The following ADGRL3 variants were observed in gnomAD, a reference collection of about 807,000 sequenced individuals.
The protein encoded by ADGRL3 is calcium-independent alpha-latrotoxin receptor 3.
In ADGRL3, 62 loss-of-function variants were observed where a neutral mutation model predicts 153.5. The observed-to-expected ratio is 0.40, with a 90% CI of 0.33 to 0.50. ADGRL3 has a LOEUF of 0.50. Ranked by LOEUF, ADGRL3 falls within the 20% of genes least tolerant of loss-of-function variation. The pLI is 0.47. For missense variants in ADGRL3, 1,641 were observed against 1,859.4 expected, an observed-to-expected ratio of 0.88 and a Z score of 2.16; for synonymous variants, 710 against 672.5, an observed-to-expected ratio of 1.06 and a Z score of -0.86.
intron 4 of ADGRL3, chr4:61,583,650 G>A (rs1468380680): frequency 1.9e-6 from 1 of 517,938 alleles, no homozygotes; most frequent in Non-Finnish European, 3.9e-6. Context: ...ATCTTTATCA[G>A]AGATGTTTAA....
chr4:61,280,961 A>G (rs940739670), intron 1 of ADGRL3, among the ~76,000 whole-genome samples: 1 of 152,108 alleles, frequency 6.6e-6, no homozygotes, highest in African/African-American at 2.4e-5. Context: ...TTGAAGAAAC[A>G]TATTGATAGG....
intron 1 of ADGRL3, among the ~76,000 whole-genome samples, chr4:61,209,825 T>C (rs1049795521): frequency 6.6e-6 from 1 of 152,214 alleles, no homozygotes; most frequent in Admixed American, 6.5e-5. Flanking sequence ...TATTATCTTT[T>C]CACATGTCAA....
intron 1 of ADGRL3, among the ~76,000 whole-genome samples, chr4:61,373,804 A>G (rs1487825780): frequency 1.3e-5 from 2 of 152,214 alleles, no homozygotes; most frequent in East Asian, 3.9e-4. Flanking sequence ...AAAAGCCAAC[A>G]GGTTAAAAAC....
intron 1 of ADGRL3, among the ~76,000 whole-genome samples, chr4:61,382,468 AG>A (rs1475508222): frequency 2.0e-5 from 3 of 151,732 alleles, no homozygotes; most frequent in Non-Finnish European, 2.9e-5. Context: ...GGGTGTAAAA[AG>A]TCTGTTTTAT....
intron 5 of ADGRL3, among the ~76,000 whole-genome samples, chr4:61,646,526 G>T (rs960233849): frequency 6.8e-6 from 1 of 146,720 alleles, no homozygotes; most frequent in African/African-American, 2.8e-5. Context: ...GTCTGTTGGA[G>T]TACTGGGCCC....
chr4:61,920,907 A>G (rs548836210), intron 13 of ADGRL3, among the ~76,000 whole-genome samples: 5 of 152,304 alleles, frequency 3.3e-5, no homozygotes, highest in African/African-American at 9.6e-5. Context: ...ATAGTGTCCA[A>G]CGATTCTGTG....
chr4:61,513,932 A>C (rs943032384), intron 3 of ADGRL3, among the ~76,000 whole-genome samples: 22 of 152,250 alleles, frequency 1.4e-4, no homozygotes, highest in African/African-American at 5.3e-4. Flanking sequence ...TGTGGCCTCT[A>C]ATGGTATTGG....
intron 8 of ADGRL3, among the ~76,000 whole-genome samples, chr4:61,739,038 G>T (rs763164977): frequency 2.7e-4 from 41 of 152,126 alleles, no homozygotes; most frequent in Admixed American, 1.5e-3. Context: ...AAAATTGCCA[G>T]CATTTTTGTC....
chr4:61,647,647 T>C (rs944061378), intron 5 of ADGRL3, among the ~76,000 whole-genome samples: 29 of 152,190 alleles, frequency 1.9e-4, no homozygotes, highest in African/African-American at 6.8e-4. Flanking sequence ...AAATTTATTT[T>C]ATATTCCAGT....
chr4:61,908,518 G>A (rs1350689484), intron 11 of ADGRL3, among the ~76,000 whole-genome samples: 1 of 151,408 alleles, frequency 6.6e-6, no homozygotes, highest in African/African-American at 2.4e-5. Flanking sequence ...GCAGCTACTT[G>A]GGAGGCTTGA....
chr4:61,283,329 TAAAACTTAGCACCCAC>T (rs1328718338), intron 1 of ADGRL3, among the ~76,000 whole-genome samples: 1 of 152,118 alleles, frequency 6.6e-6, no homozygotes, highest in African/African-American at 2.4e-5. Flanking sequence ...ACTTGATGGC[TAAAACTTAGCACCCAC>T]AAAAATTGAT....
At chr4:61,305,913 T>C (rs575760765) in intron 1 of ADGRL3, among the ~76,000 whole-genome samples, 1 of 152,226 alleles carries the variant, frequency 6.6e-6, no homozygotes, top group South Asian at 2.1e-4. Flanking sequence ...TCCTTGTTTA[T>C]GGTTTCTTCC....
chr4:61,788,002 A>G (rs891390421), intron 8 of ADGRL3, among the ~76,000 whole-genome samples: 1 of 152,220 alleles, frequency 6.6e-6, no homozygotes, highest in Non-Finnish European at 1.5e-5. Context: ...CACAACATAT[A>G]TACATATGCC....
At chr4:61,556,414 G>C (rs371825470) in intron 4 of ADGRL3, among the ~76,000 whole-genome samples, 3 of 152,030 alleles carry the variant, frequency 2.0e-5, no homozygotes, top group Non-Finnish European at 2.9e-5. Context: ...AGAATGAGCC[G>C]GGGGAGAGCA....
At chr4:61,789,514 C>A (rs1381308731) in intron 8 of ADGRL3, among the ~76,000 whole-genome samples, 1 of 152,016 alleles carries the variant, frequency 6.6e-6, no homozygotes, top group Non-Finnish European at 1.5e-5. Flanking sequence ...TTAAGATTTA[C>A]TTTTTCTTTA....
chr4:61,712,129 C>T (rs1039342942), intron 6 of ADGRL3, among the ~76,000 whole-genome samples: 3 of 152,088 alleles, frequency 2.0e-5, no homozygotes, highest in African/African-American at 7.2e-5. Context: ...TTTGGTGGCT[C>T]ATGAGTATAA....
At chr4:61,631,243 A>G (rs1383838591) in intron 5 of ADGRL3, among the ~76,000 whole-genome samples, 1 of 152,210 alleles carries the variant, frequency 6.6e-6, no homozygotes, top group Non-Finnish European at 1.5e-5. Context: ...ATTCAATTTT[A>G]TGGAATAGTC....
At chr4:61,226,823 T>C (rs1012912989) in intron 1 of ADGRL3, among the ~76,000 whole-genome samples, 1 of 152,118 alleles carries the variant, frequency 6.6e-6, no homozygotes, top group African/African-American at 2.4e-5. Flanking sequence ...ATGGATTCTT[T>C]ACAAAAATCC....
intron 5 of ADGRL3, among the ~76,000 whole-genome samples, chr4:61,612,652 C>G (rs1267273339): frequency 6.6e-6 from 1 of 152,122 alleles, no homozygotes; most frequent in Non-Finnish European, 1.5e-5. Flanking sequence ...AAAATCACTC[C>G]CTTTTTATCA....
Sources: allele counts gnomAD v4.1 joint callset (sites outside exome capture counted in the v4.1 genomes callset), GRCh38; gene constraint gnomAD v4.1.1; transcripts MANE v1.5; gene names NCBI Gene and HGNC (gene_info 2026-07-23, HGNC 2026-07-21).